The following PRDM15 variants were observed in gnomAD, a reference collection of about 807,000 sequenced individuals.
PRDM15 encodes PR domain zinc finger protein 15.
Under a neutral mutation model 128.6 loss-of-function variants are expected in PRDM15, and 64 were observed. That is an observed-to-expected ratio of 0.50 (90% confidence interval 0.41 to 0.61). The LOEUF (loss-of-function observed/expected upper bound fraction) is 0.61, where lower values mean the gene tolerates loss of function less well. PRDM15 is among the 20% of genes least tolerant of loss of function. The pLI, the probability that PRDM15 is intolerant of heterozygous loss-of-function variation, is 0.00. For synonymous variants in PRDM15, 615 were observed against 621.8 expected (o/e 0.99, Z 0.16); for missense variants, 1,242 against 1,569.1 (o/e 0.79, Z 3.52).
rs1281943376 is a variant in PRDM15, at chr21:41,878,840, C to CG, written c.-10+429dup. Reference sequence around the variant, plus strand: ...CCCGGCGGCGGGGGCCGCGGGGCCGCGGGCCGGGGCGGCGAAGACCCTGCG... The same window carrying CG: ...CCCGGCGGCGGGGGCCGCGGGGCCGCGGGGCCGGGGCGGCGAAGACCCTGCG... On this transcript the variant is annotated intron_variant, in intron 1 of 23. Coordinates refer to ENST00000398548, the MANE Select transcript of PRDM15 (RefSeq NM_001040424.3). The CG allele has an allele frequency of 1.5e-4, 139 of 897,214 alleles. No homozygotes were observed. In the East Asian group the frequency reaches 1.7e-3, roughly 11 times the overall value. 55.6% of individuals were successfully genotyped at this position (897,214 alleles called of 1,614,324 possible).
chr21:41,859,209 G>A lies in PRDM15; in HGVS notation c.131+383C>T. ...CCCTGCCCCGCCTGGGTGTGCACGT[G>A]TCCGCTGGCAGGCCAAGACCTGGAA... On this transcript the variant is annotated intron_variant, in intron 3 of 23. Transcript: ENST00000398548. The surrounding 1 kb of genome is among the most constrained non-coding windows in gnomAD (Gnocchi z 5.3). The A allele has an allele frequency of 1.2e-6, 2 of 1,613,910 alleles. No homozygotes were observed. The highest frequency in any genetic ancestry group is 1.7e-6 in the Non-Finnish European group (2 of 1,179,946).
intron 12 of PRDM15, among the ~76,000 whole-genome samples, chr21:41,827,911 G>C (rs138425237): frequency 5.9e-5 from 9 of 152,246 alleles, no homozygotes; most frequent in African/African-American, 1.9e-4. Flanking sequence ...TCCTTCCCCA[G>C]TGTGGAACAT....
chr21:41,823,794 C>A (rs566404968), intron 13 of PRDM15, among the ~76,000 whole-genome samples: 1 of 152,324 alleles, frequency 6.6e-6, no homozygotes, highest in African/African-American at 2.4e-5. Flanking sequence ...GAAGTACCTG[C>A]AATTTTCTGA....
Position 41,859,722 on chromosome 21 carries a change from A to G in PRDM15, c.38-37T>C, listed in dbSNP as rs1245478137. On this transcript the variant is annotated intron_variant, in intron 2 of 23. Transcript: ENST00000398548. The surrounding 1 kb of genome is among the most constrained non-coding windows in gnomAD (Gnocchi z 5.3). ...CATCCGGGCATTAGAGCACCCAGGG[A>G]GGGAGACACCTAAAGAACACAAACC... 6.4e-7 allele frequency: 1 copy of G among 1,568,234 alleles called. No individual in the cohort carries two copies. Among genetic ancestry groups the G allele is most frequent in the Non-Finnish European group, 8.8e-7 (1 of 1,141,394 alleles).
At chr21:41,842,089 A>C in intron 6 of PRDM15, among the ~76,000 whole-genome samples, 1 of 152,252 alleles carries the variant, frequency 6.6e-6, no homozygotes, top group East Asian at 1.9e-4. Flanking sequence ...ATAATAAATA[A>C]GAGCAGAAAT....
In PRDM15 at chr21:41,815,846, C is replaced by A. The variant is rs768510026; in HGVS notation, c.2261-10G>T. 1.2e-5 allele frequency: 19 copies of A among 1,612,282 alleles called. No individual in the cohort carries two copies. Among genetic ancestry groups the A allele is most frequent in the South Asian group, 2.2e-5 (2 of 91,084 alleles). ...TGCTTGGTCTTCATGCCTTCAAGGA[C>A]ACAGCGAGTCAGAGGCGGCCACACC... On this transcript the variant is annotated splice_polypyrimidine_tract_variant and intron_variant, in intron 18 of 23. Transcript: ENST00000398548.
chr21:41,809,380 C>A (rs1261673123), intron 21 of PRDM15, among the ~76,000 whole-genome samples: 1 of 151,980 alleles, frequency 6.6e-6, no homozygotes, highest in African/African-American at 2.4e-5. Flanking sequence ...CTACAGGCGC[C>A]CACCACCATG....
At chr21:41,856,833 C>T (rs1201845710) in intron 4 of PRDM15, among the ~76,000 whole-genome samples, 1 of 152,166 alleles carries the variant, frequency 6.6e-6, no homozygotes, top group African/African-American at 2.4e-5. Flanking sequence ...GTGGAAATAA[C>T]TAGAGCGATG....
At chr21:41,809,973 CGCA>C (rs2061809249) in intron 21 of PRDM15, among the ~76,000 whole-genome samples, 178 bp downstream of exon 21, 1 of 152,224 alleles carries the variant, frequency 6.6e-6, no homozygotes, top group South Asian at 2.1e-4. Flanking sequence ...CCTAACCTCT[CGCA>C]GCCACTCACT....
At position 41,828,091 on chromosome 21, in the gene PRDM15, C is replaced by T; in HGVS notation, c.1534+75G>A. 6.5e-7 allele frequency: 1 copy of T among 1,532,740 alleles called. No individual in the cohort carries two copies. The highest frequency in any genetic ancestry group is 2.3e-5 in the East Asian group (1 of 44,300). 94.9% of individuals were successfully genotyped at this position (1,532,740 alleles called of 1,614,324 possible). On this transcript the variant is annotated intron_variant, in intron 12 of 23. Transcript: ENST00000398548. The surrounding 1 kb of genome is among the most constrained non-coding windows in gnomAD (Gnocchi z 5.7). ...AACTGCTCCCCAAAGGCCCTGCTGA[C>T]TGCTCCATGCCGCCCTGCCCCACCC...
chr21:41,809,184 G>A (rs1332292810), intron 21 of PRDM15, among the ~76,000 whole-genome samples: 1 of 151,254 alleles, frequency 6.6e-6, no homozygotes. Context: ...TATCACTAAT[G>A]TTAACAGGCT....
rs149361413 is a variant in PRDM15 at position 41,801,539 on chromosome 21, C to T, written c.3127G>A (p.Val1043Met). 427 of 1,614,064 alleles carry T rather than the reference C, an allele frequency of 2.6e-4. No individual in the cohort carries two copies. Among genetic ancestry groups the T allele is most frequent in the Admixed American group, 8.7e-4 (52 of 60,002 alleles). ...QLQLDNSILT[V>M]TFDTVSGSAM... Reference sequence around the variant, plus strand: ...GAGCCGCTGACGGTATCAAAGGTCACGGTCAGGATTGAGTTGTCCAGCTGT... The same window carrying T: ...GAGCCGCTGACGGTATCAAAGGTCATGGTCAGGATTGAGTTGTCCAGCTGT... The change falls in exon 24 of 24, where the codon GTG becomes ATG. Residue 1043 changes from valine to methionine, a missense_variant. Physicochemically the swap from Val to Met is conservative, Grantham distance 21 (BLOSUM62 1). Transcript: ENST00000398548.
In PRDM15 at chr21:41,802,919, A is replaced by G. The variant is rs1221327792; in HGVS notation, c.2736T>C (p.Pro912=). ...IDASSIGIVQ[P]ELTLEQEDLA... is the part of the protein sequence containing the mutation. ...AATCCTCCTGCTCCAGAGTCAGCTCAGGCTGCAGAAAAATCGGTTTCAGCC... is the reference window on the plus strand; with the variant it reads ...AATCCTCCTGCTCCAGAGTCAGCTCGGGCTGCAGAAAAATCGGTTTCAGCC... Residue 912 remains proline (P), a splice_region_variant and synonymous_variant, in exon 23 of 24, where the codon CCT becomes CCC. Coordinates refer to ENST00000398548, the MANE Select transcript of PRDM15 (RefSeq NM_001040424.3). 1 of 1,613,796 alleles carries G rather than the reference A, an allele frequency of 6.2e-7. No homozygotes were observed. The highest frequency in any genetic ancestry group is 2.2e-5 in the East Asian group (1 of 44,878).
chr21:41,835,586 C>T, intron 10 of PRDM15, 62 bp from the exon 11 acceptor site: 1 of 1,419,872 alleles, frequency 7.0e-7, no homozygotes, highest in Non-Finnish European at 9.8e-7. Flanking sequence ...ATGCCGAGCC[C>T]CCGACGTGCT....
chr21:41,848,084 C>T (rs1482942383), intron 5 of PRDM15, among the ~76,000 whole-genome samples: 1 of 152,202 alleles, frequency 6.6e-6, no homozygotes, highest in African/African-American at 2.4e-5. Context: ...CCCATCACTT[C>T]GACTCTAATC....
At chr21:41,822,060 G>A (rs778817540) in intron 14 of PRDM15, 23 bp from the exon 15 acceptor site, 23 of 1,613,084 alleles carry the variant, frequency 1.4e-5, no homozygotes, top group South Asian at 3.3e-5. Context: ...CACCACTTCC[G>A]GTTTCTAACA....
At chr21:41,837,137 A>G (rs113448848) in intron 8 of PRDM15, among the ~76,000 whole-genome samples, 75 of 152,240 alleles carry the variant, frequency 4.9e-4, no homozygotes, top group Non-Finnish European at 9.4e-4. Flanking sequence ...TTTGCCAACT[A>G]TAAGAGGTGA....
At position 41,844,386 on chromosome 21, in the gene PRDM15, G is replaced by A. The variant is rs139918817; in HGVS notation, c.640+2704C>T. On this transcript the variant is annotated intron_variant, in intron 6 of 23. Transcript: ENST00000398548. The stretch of plus-strand genomic sequence containing the variant: ...AACACAGTCCCTCCTATCTCAGGGA[G>A]GTGACACAGCCCCTCCCCCCTCACA... Among the ~76,000 whole-genome samples, 1,094 of 148,980 alleles carry A rather than the reference G, an allele frequency of 7.3e-3. 22 individuals carry two copies. The highest frequency in any genetic ancestry group is 0.026 in the African/African-American group (1,028 of 40,164).
At chr21:41,878,540 G>A (rs992356415) in intron 1 of PRDM15, among the ~76,000 whole-genome samples, 3 of 152,078 alleles carry the variant, frequency 2.0e-5, no homozygotes, top group African/African-American at 7.2e-5. Flanking sequence ...TCCACGCGAG[G>A]CGGGCCTCAC....
Sources: gnomAD v4.1 joint callset for allele counts (sites outside exome capture counted in the v4.1 genomes callset) on GRCh38, gnomAD v4.1.1 for gene constraint, Gnocchi (gnomAD v3.1) non-coding constraint, MANE v1.5 for transcripts, NCBI Gene and HGNC (gene_info 2026-07-23, HGNC 2026-07-21) for gene names.